PTPN2: variants seen among roughly 807,000 people sequenced by gnomAD.
PTPN2 encodes protein tyrosine phosphatase non-receptor type 2, also known as tyrosine-protein phosphatase non-receptor type 2.
PTPN2 carries 19 observed loss-of-function variants against 57.3 expected under a neutral mutation model. The ratio of observed to expected loss-of-function variants is 0.33; its 90% CI spans 0.23 to 0.49. The LOEUF (loss-of-function observed/expected upper bound fraction) is 0.49, where lower values mean the gene tolerates loss of function less well. Among genes scored for constraint, PTPN2 ranks in the 20% least tolerant of loss-of-function variants. The pLI is 0.99. For missense variants in PTPN2, 358 were observed against 501.1 expected (o/e 0.71, Z 2.73); for synonymous variants, 153 against 164.9 (o/e 0.93, Z 0.55).
At chr18:12,791,807 A>T (rs1206130665), downstream of PTPN2, among the ~76,000 whole-genome samples, 5 of 152,190 alleles carry the variant, frequency 3.3e-5, no homozygotes, top group Non-Finnish European at 7.3e-5. Context: ...GCAAAGCGTA[A>T]GCCAATGAAG....
intron 2 of PTPN2, among the ~76,000 whole-genome samples, chr18:12,845,415 T>C (rs917646928): frequency 1.8e-4 from 27 of 152,320 alleles, no homozygotes; most frequent in African/African-American, 5.8e-4. Context: ...TTTTGTTAGA[T>C]TTATTCCAAC....
At chr18:12,791,967 C>T (rs2040996571), downstream of PTPN2, among the ~76,000 whole-genome samples, 1 of 152,176 alleles carries the variant, frequency 6.6e-6, no homozygotes, top group Admixed American at 6.5e-5. Flanking sequence ...AAACATACTG[C>T]ATTTAGCAAA....
chr18:12,853,588 G>A (rs1221942868), intron 2 of PTPN2, among the ~76,000 whole-genome samples: 3 of 152,188 alleles, frequency 2.0e-5, no homozygotes, highest in Non-Finnish European at 2.9e-5. Context: ...TACCACTCAC[G>A]GGAAAGAGGT....
intron 3 of PTPN2, among the ~76,000 whole-genome samples, chr18:12,832,867 A>C (rs1886732234): frequency 6.6e-6 from 1 of 152,206 alleles, no homozygotes; most frequent in South Asian, 2.1e-4. Context: ...GGCTCACTGC[A>C]ACCTCTGCCT....
At chr18:12,840,078 G>A (rs1322017639) in intron 2 of PTPN2, among the ~76,000 whole-genome samples, 1 of 152,166 alleles carries the variant, frequency 6.6e-6, no homozygotes, top group Non-Finnish European at 1.5e-5. Flanking sequence ...ATCCTGAACA[G>A]GTTAAATCAC....
chr18:12,880,095 T>C (rs975422303), intron 1 of PTPN2, among the ~76,000 whole-genome samples: 5 of 152,196 alleles, frequency 3.3e-5, no homozygotes, highest in African/African-American at 7.2e-5. Flanking sequence ...ATACCCAGCA[T>C]GGGCAGGTCA....
At chr18:12,883,161 A>G (rs959392739) in intron 1 of PTPN2, among the ~76,000 whole-genome samples, 3 of 152,116 alleles carry the variant, frequency 2.0e-5, no homozygotes, top group Non-Finnish European at 4.4e-5. Context: ...AGGAAAGGCT[A>G]TTTTGATTTG....
At chr18:12,876,591 C>T (rs2044500504) in intron 1 of PTPN2, among the ~76,000 whole-genome samples, 2 of 152,200 alleles carry the variant, frequency 1.3e-5, no homozygotes, top group Non-Finnish European at 2.9e-5. Context: ...AAACACATGT[C>T]AAAGGCAAAA....
downstream of PTPN2, among the ~76,000 whole-genome samples, chr18:12,789,311 C>G (rs752441714): frequency 7.2e-5 from 11 of 152,174 alleles, no homozygotes; most frequent in Non-Finnish European, 1.5e-4. Context: ...TGAAACGAAA[C>G]AAATGAACTG....
intron 2 of PTPN2, chr18:12,843,816 T>A (rs767380167): frequency 6.6e-6 from 1 of 152,400 alleles, no homozygotes; most frequent in Non-Finnish European, 1.5e-5. Context: ...TTATTTTGAT[T>A]TCTCCAGTTC....
In PTPN2 at chr18:12,794,359, G is replaced by A. The variant is rs750048061; in HGVS notation, c.1167C>T (p.Leu389=). ...RKRWLYWQPI[L]TKMGFMSVIL... Reference sequence around the variant, plus strand: ...TGACTGACATAAACCCCATCTTAGTGAGAATAGGTTGCCAATATAACCACC... The same window carrying A: ...TGACTGACATAAACCCCATCTTAGTAAGAATAGGTTGCCAATATAACCACC... Residue 389 remains leucine, a synonymous_variant, in exon 9 of 9, where the codon CTC becomes CTT. Coordinates refer to ENST00000309660, the MANE Select transcript of PTPN2 (RefSeq NM_002828.4). The A allele has an allele frequency of 3.1e-6, 5 of 1,614,204 alleles. No individual in the cohort carries two copies. In the East Asian group the frequency reaches 6.7e-5, roughly 22 times the overall value.
At chr18:12,882,557 C>T (rs879006529) in intron 1 of PTPN2, among the ~76,000 whole-genome samples, 1 of 152,154 alleles carries the variant, frequency 6.6e-6, no homozygotes, top group African/African-American at 2.4e-5. Flanking sequence ...CTTAGAGAGA[C>T]AGCAGCCTCT....
chr18:12,850,132 T>C (rs897761395), intron 2 of PTPN2, among the ~76,000 whole-genome samples: 2 of 152,180 alleles, frequency 1.3e-5, no homozygotes, highest in Non-Finnish European at 1.5e-5. Flanking sequence ...TTTCTGCTTT[T>C]TTTTTCTCAT....
chr18:12,873,465 T>C (rs2044345949), intron 1 of PTPN2, among the ~76,000 whole-genome samples: 1 of 152,194 alleles, frequency 6.6e-6, no homozygotes, highest in African/African-American at 2.4e-5. Flanking sequence ...TTTTCGTATT[T>C]TTTTGGGGGA....
At chr18:12,846,441 C>T (rs1013542994) in intron 2 of PTPN2, among the ~76,000 whole-genome samples, 4 of 152,194 alleles carry the variant, frequency 2.6e-5, no homozygotes, top group African/African-American at 9.7e-5. Flanking sequence ...AGTATAGACA[C>T]ATTAATTCCT....
chr18:12,804,751 T>G (rs2041579131), intron 7 of PTPN2, among the ~76,000 whole-genome samples: 1 of 152,078 alleles, frequency 6.6e-6, no homozygotes, highest in Non-Finnish European at 1.5e-5. Flanking sequence ...AAGTCTCCCA[T>G]CAAAGAAAAG....
At chr18:12,855,217 T>G (rs1280460081) in intron 2 of PTPN2, among the ~76,000 whole-genome samples, 1 of 152,084 alleles carries the variant, frequency 6.6e-6, no homozygotes, top group Non-Finnish European at 1.5e-5. Context: ...GAGAGACAAA[T>G]GGCACATTGA....
Position 12,793,969 on chromosome 18 carries a change from G to A in PTPN2, c.*309C>T. On this transcript the variant is annotated 3_prime_UTR_variant, in exon 9 of 9. Coordinates refer to ENST00000309660, the MANE Select transcript of PTPN2 (RefSeq NM_002828.4). ...CTCCAAAAACAAATCCTGTGATAAAGGATATCTCAATGTTGGTCAGGTGAA... is the reference window on the plus strand; with the variant it reads ...CTCCAAAAACAAATCCTGTGATAAAAGATATCTCAATGTTGGTCAGGTGAA... The A allele has an allele frequency of 1.7e-6, 2 of 1,195,538 alleles. No individual in the cohort carries two copies. The highest frequency in any genetic ancestry group is 2.1e-6 in the Non-Finnish European group (2 of 961,096). The allele number at this position is 1,195,538 out of a possible 1,614,324, so 74.1% of individuals were successfully genotyped here.
intron 3 of PTPN2, 76 bp downstream of exon 3, chr18:12,836,714 AC>A (rs1457966728): frequency 1.1e-6 from 1 of 896,958 alleles, no homozygotes; most frequent in African/African-American, 1.7e-5. Flanking sequence ...GTCAAGATAT[AC>A]TTTTACCTAT....
Sources: gnomAD v4.1 joint callset for allele counts (sites outside exome capture counted in the v4.1 genomes callset) on GRCh38, gnomAD v4.1.1 for gene constraint, MANE v1.5 for transcripts, NCBI Gene and HGNC (gene_info 2026-07-23, HGNC 2026-07-21) for gene names.